Variants in ATP2B4 observed in about 807,000 individuals in gnomAD.
ATP2B4 encodes plasma membrane calcium-transporting ATPase 4.
Under a neutral mutation model 110.3 loss-of-function variants are expected in ATP2B4, and 39 were observed. That is an observed-to-expected ratio of 0.35 (90% CI 0.27 to 0.46). The LOEUF is 0.46. Among genes scored for constraint, ATP2B4 ranks in the 20% least tolerant of loss-of-function variants. The pLI is 1.00. For missense variants in ATP2B4, 1,135 were observed against 1,530.9 expected (o/e 0.74, Z 4.32); for synonymous variants, 538 against 571.7 (o/e 0.94, Z 0.84).
At chr1:203,634,987 T>A (rs1241003752) in intron 1 of ATP2B4, among the ~76,000 whole-genome samples, 2 of 151,978 alleles carry the variant, frequency 1.3e-5, no homozygotes, top group East Asian at 3.9e-4. Flanking sequence ...TATTTATTAT[T>A]TTTTGAGATG....
At position 203,688,088 on chromosome 1, in the gene ATP2B4, A is replaced by T. The variant is rs1048578739; in HGVS notation, c.193+4690A>T. 5.3e-5 allele frequency among the ~76,000 whole-genome samples: 8 copies of T among 150,886 alleles called. No individual in the cohort carries two copies. In the East Asian group the frequency reaches 1.6e-3, roughly 30 times the overall value. On this transcript the variant is annotated intron_variant, in intron 2 of 20. Transcript: ENST00000357681. ...ACCCAGGCTGGAGTGCAGTGGCATG[A>T]TCTCGGCTCACTGCAACCTCCGCCT...
rs114201411 is a variant in ATP2B4 at position 203,653,420 on chromosome 1, A to G, written c.-465+26201A>G. 7.5e-3 allele frequency among the ~76,000 whole-genome samples: 1,137 copies of G among 152,318 alleles called. 19 individuals are homozygous for G. The highest frequency in any genetic ancestry group is 0.023 in the African/African-American group (963 of 41,560). On this transcript the variant is annotated intron_variant, in intron 1 of 20. Transcript: ENST00000357681. ...AGATCTAGCTAAGATAATTGGTGAC[A>G]GTGGCTATGCTAAACAACAGATTTT... is the stretch of plus-strand genomic sequence containing the variant.
At chr1:203,699,756 C>A (rs200574191) in intron 4 of ATP2B4, 39 bp downstream of exon 4, 1 of 1,607,472 alleles carries the variant, frequency 6.2e-7, no homozygotes, top group African/African-American at 1.3e-5. Context: ...CCCACCACCA[C>A]CCCCATTTAA....
At chr1:203,651,153 A>C (rs1663980925) in intron 1 of ATP2B4, among the ~76,000 whole-genome samples, 1 of 152,148 alleles carries the variant, frequency 6.6e-6, no homozygotes. Flanking sequence ...TGATATTTTT[A>C]GATAGTTCCA....
At chr1:203,733,517 T>C in intron 20 of ATP2B4, 6 of 1,126,384 alleles carry the variant, frequency 5.3e-6, no homozygotes, top group Non-Finnish European at 6.1e-6. Flanking sequence ...TTTGATATTT[T>C]GACTTAAGGG....
At chr1:203,644,980 C>T (rs1051830919) in intron 1 of ATP2B4, among the ~76,000 whole-genome samples, 9 of 152,180 alleles carry the variant, frequency 5.9e-5, no homozygotes, top group African/African-American at 2.2e-4. Flanking sequence ...GGTGGTGATT[C>T]TCTTTTTACT....
At chr1:203,691,653 A>G (rs4951074) in intron 2 of ATP2B4, among the ~76,000 whole-genome samples, 127,356 of 152,196 alleles carry the variant, frequency 0.84, 53,969 homozygotes, top group East Asian at 1. Context: ...ACCTTGAATC[A>G]ACTGCTTTAT....
At chr1:203,723,849 T>C in intron 18 of ATP2B4, 32 bp from the exon 19 acceptor site, 1 of 1,547,560 alleles carries the variant, frequency 6.5e-7, no homozygotes, top group Non-Finnish European at 8.8e-7. Flanking sequence ...AGTCATTTCC[T>C]TGATGGTGGG....
chr1:203,674,532 G>A (rs965032336), intron 1 of ATP2B4, among the ~76,000 whole-genome samples: 4 of 151,682 alleles, frequency 2.6e-5, no homozygotes, highest in African/African-American at 9.7e-5. Context: ...GGAATGCAGT[G>A]GCACGATCTC....
rs35019828 is a variant in ATP2B4 at position 203,704,467 on chromosome 1, C to CTTTTTT, written c.1099+680_1099+685dup. Among the ~76,000 whole-genome samples the CTTTTTT allele has an allele frequency of 1.9e-3, 130 of 68,790 alleles. 16 individuals carry two copies. The highest frequency in any genetic ancestry group is 0.02 in the Middle Eastern group (2 of 102). 45.1% of individuals were successfully genotyped at this position (68,790 alleles called of 152,430 possible). A position where few individuals can be genotyped will look rare whatever the true frequency, so the allele number is the denominator to read the frequency against. ...GTGGACATATCTCTCAAGGAACAGTCTTTTTTTTTTTTTTTTTTTTTTTTT... is the reference window on the plus strand; with the variant it reads ...GTGGACATATCTCTCAAGGAACAGTCTTTTTTTTTTTTTTTTTTTTTTTTTTTTTTT... On this transcript the variant is annotated intron_variant, in intron 8 of 20. Coordinates refer to ENST00000357681, the MANE Select transcript of ATP2B4 (RefSeq NM_001684.5).
At chr1:203,676,840 G>C (rs1216820294) in intron 1 of ATP2B4, among the ~76,000 whole-genome samples, 1 of 152,074 alleles carries the variant, frequency 6.6e-6, no homozygotes, top group African/African-American at 2.4e-5. Context: ...GGAGGACAAG[G>C]GGGAAGGGAG....
Position 203,709,555 on chromosome 1 carries a change from G to C in ATP2B4, c.1799+13G>C, listed in dbSNP as rs769455082. 1.2e-6 allele frequency: 2 copies of C among 1,613,652 alleles called. No individual in the cohort carries two copies. Among genetic ancestry groups the C allele is most frequent in the South Asian group, 2.2e-5 (2 of 91,060 alleles). ...TCATCTTGCGCAAGTGAGCACCCCC[G>C]ACCACTCTGCTTCCCTTCAAGATCC... On this transcript the variant is annotated intron_variant, in intron 11 of 20. Transcript: ENST00000357681.
At chr1:203,729,650 G>C (rs774986006) in intron 20 of ATP2B4, 6 of 1,106,440 alleles carry the variant, frequency 5.4e-6, no homozygotes, top group Non-Finnish European at 5.1e-6. Context: ...AAACATTCCA[G>C]GGTGCTGTGG....
At chr1:203,647,506 T>C (rs1286236026) in intron 1 of ATP2B4, among the ~76,000 whole-genome samples, 4 of 151,914 alleles carry the variant, frequency 2.6e-5, no homozygotes, top group Non-Finnish European at 5.9e-5. Flanking sequence ...ATGTCTATAA[T>C]CCCAACACTT....
chr1:203,651,856 G>C (rs1256329982), intron 1 of ATP2B4, among the ~76,000 whole-genome samples: 3 of 151,636 alleles, frequency 2.0e-5, no homozygotes, highest in African/African-American at 7.3e-5. Flanking sequence ...TCAGGAGTTC[G>C]AGACCAGTTT....
intron 2 of ATP2B4, among the ~76,000 whole-genome samples, chr1:203,689,005 C>T (rs1286911516): frequency 6.6e-6 from 1 of 152,166 alleles, no homozygotes; most frequent in Non-Finnish European, 1.5e-5. Context: ...CTTCGTTCCC[C>T]ATTCCAGTTT....
At chr1:203,727,905 T>G (rs1372036025) in intron 20 of ATP2B4, among the ~76,000 whole-genome samples, 2 of 152,080 alleles carry the variant, frequency 1.3e-5, no homozygotes, top group Non-Finnish European at 2.9e-5. Context: ...GACCCCAGGG[T>G]GGGAAATGCT....
At chr1:203,635,208 A>T (rs1663403219) in intron 1 of ATP2B4, among the ~76,000 whole-genome samples, 1 of 152,122 alleles carries the variant, frequency 6.6e-6, no homozygotes, top group East Asian at 1.9e-4. Context: ...TCCCAACCTC[A>T]GGTGATCCAC....
intron 19 of ATP2B4, among the ~76,000 whole-genome samples, chr1:203,725,201 G>A (rs571488749): frequency 6.6e-6 from 1 of 150,998 alleles, no homozygotes; most frequent in South Asian, 2.1e-4. Flanking sequence ...AGGCTGGAGT[G>A]CAATGGTGCA....
Sources: allele counts gnomAD v4.1 joint callset (sites outside exome capture counted in the v4.1 genomes callset), GRCh38; gene constraint gnomAD v4.1.1; transcripts MANE v1.5; gene names NCBI Gene and HGNC (gene_info 2026-07-23, HGNC 2026-07-21).